ESRRG: variants seen among roughly 807,000 people sequenced by gnomAD.
The protein encoded by ESRRG is estrogen-related receptor gamma.
Under a neutral mutation model 44.0 loss-of-function variants are expected in ESRRG, and 13 were observed. That is an observed-to-expected ratio of 0.30 (90% CI 0.19 to 0.47). ESRRG has a LOEUF of 0.47. ESRRG is among the 20% of genes least tolerant of loss of function. The pLI is 1.00. For missense variants in ESRRG, 395 were observed against 580.6 expected, an observed-to-expected ratio of 0.68 and a Z score of 3.29; for synonymous variants, 215 against 214.6, an observed-to-expected ratio of 1.00 and a Z score of -0.02.
At chr1:216,612,760 G>T (rs1247231852) in intron 3 of ESRRG, among the ~76,000 whole-genome samples, 1 of 152,118 alleles carries the variant, frequency 6.6e-6, no homozygotes, top group Non-Finnish European at 1.5e-5. Flanking sequence ...TAACCTAAAA[G>T]CTCAGTGATG....
At chr1:216,561,350 T>G (rs1415048340) in intron 5 of ESRRG, among the ~76,000 whole-genome samples, 1 of 152,086 alleles carries the variant, frequency 6.6e-6, no homozygotes, top group African/African-American at 2.4e-5. Context: ...GGCTTGAATT[T>G]TAGTGTATTA....
intron 2 of ESRRG, among the ~76,000 whole-genome samples, chr1:216,666,164 T>C (rs1175539451): frequency 6.6e-6 from 1 of 152,198 alleles, no homozygotes; most frequent in Non-Finnish European, 1.5e-5. Context: ...GCAAATCACA[T>C]TGAGTCATAT....
chr1:216,528,634 C>A (rs1263783694), intron 5 of ESRRG, among the ~76,000 whole-genome samples: 2 of 152,008 alleles, frequency 1.3e-5, no homozygotes, highest in African/African-American at 4.8e-5. Context: ...AATATGTCTA[C>A]TTTTTTAACG....
intron 2 of ESRRG, among the ~76,000 whole-genome samples, chr1:216,774,796 T>TTC (rs1322388481): frequency 1.9e-5 from 2 of 106,836 alleles, no homozygotes; most frequent in Admixed American, 1.0e-4. Context: ...GAATAATTTC[T>TTC]TCTTTTTTTT....
At chr1:216,728,831 C>G (rs550216988) in intron 2 of ESRRG, among the ~76,000 whole-genome samples, 1 of 151,670 alleles carries the variant, frequency 6.6e-6, no homozygotes, top group Non-Finnish European at 1.5e-5. Context: ...CATCTGGTAT[C>G]CATATAAACA....
intron 1 of ESRRG, among the ~76,000 whole-genome samples, chr1:217,070,859 T>C (rs887855633): frequency 6.6e-6 from 1 of 152,198 alleles, no homozygotes. Context: ...AATACCACAA[T>C]GTAAATCTCA....
chr1:216,810,531 A>G (rs915169849), intron 2 of ESRRG, among the ~76,000 whole-genome samples: 1 of 149,802 alleles, frequency 6.7e-6, no homozygotes, highest in Non-Finnish European at 1.5e-5. Context: ...TGGTATACAG[A>G]ATGTGGTGGT....
chr1:216,561,108 A>G (rs1274896191), intron 5 of ESRRG, among the ~76,000 whole-genome samples: 1 of 152,148 alleles, frequency 6.6e-6, no homozygotes, highest in Non-Finnish European at 1.5e-5. Context: ...ATGATTTATT[A>G]ATGTAAGTCA....
chr1:216,726,364 G>T (rs1161430023), upstream of ESRRG, among the ~76,000 whole-genome samples: 2 of 152,136 alleles, frequency 1.3e-5, no homozygotes, highest in Non-Finnish European at 2.9e-5. Context: ...TTGTGAGACA[G>T]CTTCCAGAAT....
At chr1:217,026,659 G>T (rs1395813583) in intron 1 of ESRRG, among the ~76,000 whole-genome samples, 1 of 152,046 alleles carries the variant, frequency 6.6e-6, no homozygotes, top group East Asian at 1.9e-4. Context: ...CTGCCTAAGG[G>T]ATTAGTCACC....
chr1:216,523,352 G>C (rs2046645799), intron 5 of ESRRG, among the ~76,000 whole-genome samples: 1 of 152,126 alleles, frequency 6.6e-6, no homozygotes, highest in African/African-American at 2.4e-5. Context: ...CATTTGGAAG[G>C]ATTGAAAAGC....
At chr1:216,600,266 C>T (rs993013713) in intron 3 of ESRRG, among the ~76,000 whole-genome samples, 2 of 152,204 alleles carry the variant, frequency 1.3e-5, no homozygotes, top group East Asian at 3.9e-4. Flanking sequence ...ATGGTAGATA[C>T]GTGTCATTAT....
intron 2 of ESRRG, among the ~76,000 whole-genome samples, chr1:216,913,573 A>G (rs998145112): frequency 4.7e-4 from 72 of 152,214 alleles, no homozygotes; most frequent in African/African-American, 1.7e-3. Flanking sequence ...AAGATAGGAG[A>G]CGTGGGTCCA....
chr1:216,703,473 A>G (rs894330370), intron 1 of ESRRG, among the ~76,000 whole-genome samples: 1 of 152,204 alleles, frequency 6.6e-6, no homozygotes, highest in African/African-American at 2.4e-5. Flanking sequence ...TGTCTAGAGT[A>G]GCAAACAGTG....
At chr1:216,829,867 T>C (rs2095459004) in intron 2 of ESRRG, among the ~76,000 whole-genome samples, 1 of 152,176 alleles carries the variant, frequency 6.6e-6, no homozygotes, top group Non-Finnish European at 1.5e-5. Context: ...AATGCCACGT[T>C]CTTAACCACC....
Position 216,549,974 on chromosome 1 carries a change from G to A in ESRRG, c.862+14245C>T, listed in dbSNP as rs11572797. 1.9e-4 allele frequency among the ~76,000 whole-genome samples: 29 copies of A among 152,196 alleles called. 1 individual carries two copies. In the South Asian group the frequency reaches 5.8e-3, roughly 30 times the overall value. ...TATGTTTTCTGTCATGTTGGCATCT[G>A]ACTGCAACAGCCGTGCGGAAGTCAG... On this transcript the variant is annotated intron_variant, in intron 5 of 6. Transcript: ENST00000408911.
intron 1 of ESRRG, among the ~76,000 whole-genome samples, chr1:216,940,352 A>C (rs1038090546): frequency 7.2e-5 from 11 of 152,222 alleles, no homozygotes; most frequent in African/African-American, 2.4e-4. Context: ...AAAAATGGCA[A>C]TTCCATATGA....
At chr1:216,624,856 A>T (rs1021790679) in intron 3 of ESRRG, among the ~76,000 whole-genome samples, 2 of 152,136 alleles carry the variant, frequency 1.3e-5, no homozygotes, top group African/African-American at 4.8e-5. Flanking sequence ...CAGAGAAAGT[A>T]CTCTAAATAT....
rs770495787 is a variant in ESRRG, at chr1:216,741,054, CCT to C, written c.-13-63565_-13-63564del. ...CTGGCATTGAGTTATCACAGTCCCC[CCT>C]CTCTCTTCTTTCACGCCCCCGTCCC... On this transcript the variant is annotated intron_variant, in intron 2 of 7. Coordinates refer to the ESRRG transcript ENST00000359162. 4.0e-5 allele frequency among the ~76,000 whole-genome samples: 6 copies of C among 151,272 alleles called. No homozygotes were observed. The East Asian group carries it at 7.8e-4, about 20-fold the overall frequency.
Sources: gnomAD v4.1 joint callset for allele counts (sites outside exome capture counted in the v4.1 genomes callset) on GRCh38, gnomAD v4.1.1 for gene constraint, MANE v1.5 for transcripts, NCBI Gene and HGNC (gene_info 2026-07-23, HGNC 2026-07-21) for gene names.